The following PDS5B variants were observed in gnomAD, a reference collection of about 807,000 sequenced individuals.
PDS5B encodes sister chromatid cohesion protein PDS5 homolog B.
In PDS5B, 51 loss-of-function variants were observed where a neutral mutation model predicts 184.1. The observed-to-expected ratio is 0.28, with a 90% CI of 0.22 to 0.35. The LOEUF (loss-of-function observed/expected upper bound fraction) is 0.35. PDS5B is among the 10% of genes least tolerant of loss of function. The probability of loss-of-function intolerance (pLI) is 1.00; values close to 1 mark genes in which losing one functional copy is unlikely to be tolerated. For missense variants in PDS5B, 1,180 were observed against 1,723.3 expected (o/e 0.68, Z 5.58); for synonymous variants, 566 against 569.2 (o/e 0.99, Z 0.08).
chr13:32,650,573 CTTT>C (rs1950344017), intron 2 of PDS5B: 2 of 152,044 alleles, frequency 1.3e-5, no homozygotes, highest in African/African-American at 4.8e-5. Flanking sequence ...GCATGCAGTT[CTTT>C]TTTACCCTTT....
intron 11 of PDS5B, 108 bp from the exon 12 acceptor site, chr13:32,687,026 A>T: frequency 1.3e-6 from 1 of 794,946 alleles, no homozygotes; most frequent in South Asian, 1.7e-5. Context: ...TCTGAGACTT[A>T]AAAAAATGTA....
At chr13:32,624,812 A>G (rs185010138) in intron 1 of PDS5B, among the ~76,000 whole-genome samples, 3 of 152,298 alleles carry the variant, frequency 2.0e-5, no homozygotes, top group East Asian at 1.9e-4. Flanking sequence ...TCCAAGCTCA[A>G]TTGGCAAAAG....
Position 32,635,214 on chromosome 13 carries a change from T to G in PDS5B, c.-19-13540T>G, listed in dbSNP as rs1377276809. On this transcript the variant is annotated intron_variant, in intron 1 of 34. Coordinates refer to ENST00000315596, the MANE Select transcript of PDS5B (RefSeq NM_015032.4). ...TTTTTTTTTTTTTTTTTTTTTTTTT[T>G]TGTGGAGATGGGGGGGTCTCACTGT... Among the ~76,000 whole-genome samples the G allele has an allele frequency of 3.9e-3, 314 of 80,506 alleles. 4 individuals are homozygous for G. Among genetic ancestry groups the G allele is most frequent in the African/African-American group, 0.014 (286 of 20,252 alleles). 52.8% of individuals were successfully genotyped at this position (80,506 alleles called of 152,430 possible).
chr13:32,683,341 A>G (rs1449503066), intron 10 of PDS5B, among the ~76,000 whole-genome samples: 5 of 110,104 alleles, frequency 4.5e-5, no homozygotes, highest in African/African-American at 3.6e-5. Context: ...TTTTTTTGAG[A>G]TGGAGCTCTG....
chr13:32,743,376 A>G, intron 23 of PDS5B, among the ~76,000 whole-genome samples: 1 of 152,126 alleles, frequency 6.6e-6, no homozygotes, highest in East Asian at 1.9e-4. Context: ...TTATGATATA[A>G]CTAAATAAGT....
intron 19 of PDS5B, among the ~76,000 whole-genome samples, chr13:32,719,045 A>G (rs1376492897): frequency 1.3e-5 from 2 of 152,246 alleles, no homozygotes; most frequent in Non-Finnish European, 2.9e-5. Context: ...AGTGTATAAC[A>G]TGGATTTGGT....
chr13:32,616,487 A>G (rs1291730141), intron 1 of PDS5B, among the ~76,000 whole-genome samples: 1 of 152,326 alleles, frequency 6.6e-6, no homozygotes, highest in South Asian at 2.1e-4. Context: ...TCACCATTTT[A>G]TGATGTTACC....
chr13:32,757,917 T>TA (rs1954242019), intron 26 of PDS5B, among the ~76,000 whole-genome samples, 170 bp from the exon 27 acceptor site: 1 of 152,150 alleles, frequency 6.6e-6, no homozygotes. Flanking sequence ...TTTTATATGT[T>TA]TGTATGACAT....
intron 8 of PDS5B, 71 bp from the exon 9 acceptor site, chr13:32,675,773 G>T: frequency 1.2e-6 from 1 of 812,092 alleles, no homozygotes; most frequent in Non-Finnish European, 2.0e-6. Flanking sequence ...GGAAATTATG[G>T]CAAAGAATGG....
intron 23 of PDS5B, 66 bp from the exon 24 acceptor site, chr13:32,745,911 G>A (rs1003072155): frequency 1.6e-6 from 2 of 1,265,070 alleles, no homozygotes; most frequent in East Asian, 2.4e-5. Context: ...AATAAAATTA[G>A]ATGTACAGAA....
chr13:32,715,834 T>G (rs1952376101), intron 19 of PDS5B, among the ~76,000 whole-genome samples: 1 of 152,182 alleles, frequency 6.6e-6, no homozygotes, highest in South Asian at 2.1e-4. Context: ...GGTTTTCGTA[T>G]TTTTTTGGTG....
At chr13:32,634,630 C>T (rs760523858) in intron 1 of PDS5B, among the ~76,000 whole-genome samples, 20 of 148,910 alleles carry the variant, frequency 1.3e-4, no homozygotes, top group Non-Finnish European at 1.8e-4. Flanking sequence ...GTCACCCAGG[C>T]TAGAGTGCAG....
At chr13:32,765,149 C>T (rs1008321426) in intron 31 of PDS5B, among the ~76,000 whole-genome samples, 3 of 152,130 alleles carry the variant, frequency 2.0e-5, no homozygotes, top group African/African-American at 7.2e-5. Flanking sequence ...TAAGTTTTAG[C>T]ATAGACACAA....
intron 1 of PDS5B, among the ~76,000 whole-genome samples, chr13:32,630,764 CA>C (rs1239637843): frequency 6.6e-6 from 1 of 151,224 alleles, no homozygotes; most frequent in Non-Finnish European, 1.5e-5. Flanking sequence ...CCAGTCTTTG[CA>C]AGCTAAAACA....
intron 19 of PDS5B, among the ~76,000 whole-genome samples, chr13:32,720,525 C>T (rs185868563): frequency 1.3e-4 from 20 of 152,066 alleles, no homozygotes; most frequent in East Asian, 5.8e-4. Context: ...CGTTGGTTAA[C>T]GATAGACCAG....
intron 1 of PDS5B, among the ~76,000 whole-genome samples, chr13:32,636,231 A>G (rs1354467998): frequency 5.1e-5 from 7 of 138,484 alleles, no homozygotes; most frequent in South Asian, 2.1e-4. Context: ...TAACATAGGG[A>G]TGATTCCTAC....
intron 1 of PDS5B, among the ~76,000 whole-genome samples, chr13:32,589,588 C>T (rs966835328): frequency 6.6e-6 from 1 of 152,062 alleles, no homozygotes; most frequent in Admixed American, 6.6e-5. Context: ...TTAGTATTGA[C>T]CTTTGTTTTG....
At chr13:32,634,378 T>G (rs1423381164) in intron 1 of PDS5B, among the ~76,000 whole-genome samples, 3 of 141,184 alleles carry the variant, frequency 2.1e-5, no homozygotes, top group Non-Finnish European at 4.6e-5. Context: ...TTTGTTTCAG[T>G]ACTTTTTTCC....
chr13:32,679,094 TTTTA>T (rs1462012693), intron 10 of PDS5B, among the ~76,000 whole-genome samples, 165 bp downstream of exon 10: 1 of 151,956 alleles, frequency 6.6e-6, no homozygotes, highest in Non-Finnish European at 1.5e-5. Context: ...TTTTTTTTTT[TTTTA>T]AAATAGAGAC....
Sources: gnomAD v4.1 joint callset for allele counts (sites outside exome capture counted in the v4.1 genomes callset) on GRCh38, gnomAD v4.1.1 for gene constraint, MANE v1.5 for transcripts, NCBI Gene and HGNC (gene_info 2026-07-23, HGNC 2026-07-21) for gene names.